Variants in COL5A2 observed in about 807,000 individuals in gnomAD.
The protein encoded by COL5A2 is collagen type V alpha 2 chain.
COL5A2 carries 23 observed loss-of-function variants against 208.2 expected under a neutral mutation model. The ratio of observed to expected loss-of-function variants is 0.11; its 90% CI spans 0.08 to 0.16. COL5A2 has a LOEUF of 0.16. Among genes scored for constraint, COL5A2 ranks in the 10% least tolerant of loss-of-function variants. The pLI is 1.00. For synonymous variants in COL5A2, 625 were observed against 628.5 expected (o/e 0.99, Z 0.08); for missense variants, 1,590 against 1,956.4 (o/e 0.81, Z 3.53).
chr2:189,256,503 T>A, the COL5A2 span, among the ~76,000 whole-genome samples: 2 of 152,214 alleles, frequency 1.3e-5, no homozygotes, highest in Non-Finnish European at 2.9e-5. Flanking sequence ...GGAAAGCACC[T>A]GACCTTGGAG....
At chr2:189,156,827 C>T (rs115784744) in intron 1 of COL5A2, among the ~76,000 whole-genome samples, 63 of 152,112 alleles carry the variant, frequency 4.1e-4, no homozygotes, top group African/African-American at 1.3e-3. Context: ...ACTATTAATT[C>T]ACACTAGCGA....
chr2:189,347,377 A>G, the COL5A2 span, among the ~76,000 whole-genome samples: 77 of 152,298 alleles, frequency 5.1e-4, no homozygotes, highest in African/African-American at 1.8e-3. Flanking sequence ...AGAAAGAGGG[A>G]GGTAAGAAAA....
At chr2:189,376,701 T>C in the COL5A2 span, among the ~76,000 whole-genome samples, 2 of 152,218 alleles carry the variant, frequency 1.3e-5, no homozygotes, top group African/African-American at 4.8e-5. Flanking sequence ...CTATAATTAG[T>C]AGTTCTCAGT....
At chr2:189,215,939 T>C (rs1036515053) in intron 1 of COL5A2, among the ~76,000 whole-genome samples, 12 of 152,172 alleles carry the variant, frequency 7.9e-5, no homozygotes, top group African/African-American at 2.9e-4. Context: ...CAAAAATGGT[T>C]ACAGGTGCAG....
At chr2:189,042,136 C>T (rs1386870812) in intron 49 of COL5A2, among the ~76,000 whole-genome samples, 3 of 152,050 alleles carry the variant, frequency 2.0e-5, no homozygotes, top group African/African-American at 4.8e-5. Context: ...TACCAAGATT[C>T]TTTAAATTAT....
chr2:189,262,373 A>G, the COL5A2 span, among the ~76,000 whole-genome samples: 1 of 151,168 alleles, frequency 6.6e-6, no homozygotes, highest in South Asian at 2.1e-4. Context: ...ACATACATGC[A>G]CACACACACA....
chr2:189,093,267 T>G (rs1686826509), intron 6 of COL5A2, among the ~76,000 whole-genome samples: 1 of 152,134 alleles, frequency 6.6e-6, no homozygotes, highest in Admixed American at 6.6e-5. Context: ...TCCTTAACCC[T>G]AAAGAATCTT....
chr2:189,354,127 C>A, the COL5A2 span, among the ~76,000 whole-genome samples: 1 of 152,194 alleles, frequency 6.6e-6, no homozygotes, highest in Admixed American at 6.5e-5. Flanking sequence ...CCAGGGATGA[C>A]ACCAACTTCC....
chr2:189,115,402 T>TG (rs939759240), intron 1 of COL5A2, among the ~76,000 whole-genome samples: 2 of 142,242 alleles, frequency 1.4e-5, no homozygotes, highest in South Asian at 2.2e-4. Context: ...ATTACACCTG[T>TG]GGGGGAAAAA....
chr2:189,152,783 G>A (rs1688170243), intron 1 of COL5A2, among the ~76,000 whole-genome samples: 1 of 152,138 alleles, frequency 6.6e-6, no homozygotes, highest in Non-Finnish European at 1.5e-5. Context: ...AGTAAGTTGG[G>A]GGAGGGTGGC....
At chr2:189,219,215 G>T (rs1689317277) in intron 1 of COL5A2, among the ~76,000 whole-genome samples, 1 of 152,042 alleles carries the variant, frequency 6.6e-6, no homozygotes, top group Non-Finnish European at 1.5e-5. Context: ...TTACTTTAAG[G>T]TTAATCTTTT....
At chr2:189,412,868 T>A in the COL5A2 span, among the ~76,000 whole-genome samples, 2,570 of 152,232 alleles carry the variant, frequency 0.017, 73 homozygotes, top group African/African-American at 0.059. Flanking sequence ...TCAAGAATTA[T>A]CATATAATTG....
chr2:189,237,149 C>G, the COL5A2 span, among the ~76,000 whole-genome samples: 1 of 151,624 alleles, frequency 6.6e-6, no homozygotes, highest in African/African-American at 2.4e-5. Flanking sequence ...TTACTGTTTA[C>G]CTCAGTTCAA....
upstream of COL5A2, among the ~76,000 whole-genome samples, chr2:189,226,248 T>G (rs1689417183): frequency 6.6e-6 from 1 of 152,044 alleles, no homozygotes; most frequent in African/African-American, 2.4e-5. Flanking sequence ...CATATGTAAA[T>G]AGCAAAACCT....
the COL5A2 span, among the ~76,000 whole-genome samples, chr2:189,419,237 TC>T: frequency 6.6e-6 from 1 of 152,194 alleles, no homozygotes; most frequent in Non-Finnish European, 1.5e-5. Context: ...CTAGAATTTA[TC>T]TCCTAGTCTA....
the COL5A2 span, among the ~76,000 whole-genome samples, chr2:189,270,148 C>A: frequency 6.6e-6 from 1 of 151,958 alleles, no homozygotes; most frequent in Non-Finnish European, 1.5e-5. Context: ...GTCTGGCTGG[C>A]ATTCTATCTA....
chr2:189,299,728 C>T, the COL5A2 span, among the ~76,000 whole-genome samples: 3 of 152,096 alleles, frequency 2.0e-5, no homozygotes, highest in Non-Finnish European at 4.4e-5. Context: ...GGAGAACAAT[C>T]GATCTGTTTT....
the COL5A2 span, among the ~76,000 whole-genome samples, chr2:189,247,331 G>T: frequency 7.7e-3 from 1,176 of 152,202 alleles, 21 homozygotes; most frequent in African/African-American, 0.026. Context: ...TATGTTAATA[G>T]GTGCTGTGTA....
In COL5A2 at chr2:189,048,211, G is replaced by T. The variant is rs539362640; in HGVS notation, c.3199C>A (p.Arg1067Ser). ...TPGRDGAVGE[R>S]GDRGDPGPAG... ...ATAATAAGTGAAATGGCTCTTACAC[G>T]TTCTCCAACAGCACCATCCCGTCCT... The change falls in exon 45 of 54, where the codon CGT (arginine) becomes AGT (serine). Residue 1067 changes from arginine (R) to serine (S), a missense_variant and splice_region_variant. Transcript: ENST00000374866. 6.2e-7 allele frequency: 1 copy of T among 1,613,484 alleles called. No homozygotes were observed. Among genetic ancestry groups the T allele is most frequent in the South Asian group, 1.1e-5 (1 of 91,070 alleles).
Sources: gnomAD v4.1 joint callset for allele counts (sites outside exome capture counted in the v4.1 genomes callset) on GRCh38, gnomAD v4.1.1 for gene constraint, MANE v1.5 for transcripts, NCBI Gene and HGNC (gene_info 2026-07-23, HGNC 2026-07-21) for gene names.